Variants in IMMP1L observed in about 807,000 individuals in gnomAD.
IMMP1L encodes the protein inner mitochondrial membrane peptidase subunit 1.
In IMMP1L, 24 loss-of-function variants were observed where a neutral mutation model predicts 21.8. The observed-to-expected ratio is 1.10, with a 90% confidence interval of 0.80 to 1.55. IMMP1L has a LOEUF of 1.55. Ranked by LOEUF, IMMP1L falls within the 40% of genes most tolerant of loss-of-function variation. The pLI is 0.00. For synonymous variants in IMMP1L, 46 were observed against 62.8 expected, an observed-to-expected ratio of 0.73 and a Z score of 1.26; for missense variants, 195 against 200.7, an observed-to-expected ratio of 0.97 and a Z score of 0.17.
chr11:31,506,909 G>A (rs539819660), intron 1 of IMMP1L, among the ~76,000 whole-genome samples: 50 of 151,840 alleles, frequency 3.3e-4, no homozygotes, highest in African/African-American at 1.1e-3. Flanking sequence ...GCAGTAAGCC[G>A]AGATCATGCC....
At chr11:31,453,477 G>A (rs899468615) in intron 4 of IMMP1L, among the ~76,000 whole-genome samples, 9 of 152,146 alleles carry the variant, frequency 5.9e-5, no homozygotes, top group African/African-American at 2.2e-4. Flanking sequence ...TTTTCTTAGA[G>A]GATGCAGAGG....
chr11:31,436,400 T>C (rs1430462774), intron 4 of IMMP1L, among the ~76,000 whole-genome samples: 2 of 152,210 alleles, frequency 1.3e-5, no homozygotes, highest in African/African-American at 4.8e-5. Context: ...AGTTATGACC[T>C]GAGTTTCTTT....
chr11:31,475,563 TATC>T lies in IMMP1L; in HGVS notation c.-29-12261_-29-12259del, dbSNP rs201488012. On this transcript the variant is annotated intron_variant, in intron 1 of 5. Coordinates refer to ENST00000532287, the MANE Select transcript of IMMP1L (RefSeq NM_001304274.2). ...TCCTATTCTTTTGTTATACCTGACT[TATC>T]ATTCTTTCTAAAAAATTTCTTCTCA... Among the ~76,000 whole-genome samples, 1,099 of 152,252 alleles carry T rather than the reference TATC, an allele frequency of 7.2e-3. 15 individuals are homozygous for T. Among genetic ancestry groups the T allele is most frequent in the Middle Eastern group, 6.8e-3 (2 of 294 alleles).
At chr11:31,488,820 T>C (rs887347510) in intron 1 of IMMP1L, among the ~76,000 whole-genome samples, 8 of 152,106 alleles carry the variant, frequency 5.3e-5, no homozygotes, top group Admixed American at 3.3e-4. Context: ...ACCTGCCTCA[T>C]AGTCAATTAT....
At chr11:31,450,302 C>T (rs988957154) in intron 4 of IMMP1L, among the ~76,000 whole-genome samples, 2 of 152,120 alleles carry the variant, frequency 1.3e-5, no homozygotes, top group African/African-American at 4.8e-5. Context: ...TAGCCTTCAT[C>T]GTAATAAAAC....
chr11:31,486,616 G>T (rs1407480721), intron 1 of IMMP1L, among the ~76,000 whole-genome samples: 1 of 151,874 alleles, frequency 6.6e-6, no homozygotes, highest in Non-Finnish European at 1.5e-5. Context: ...ATGTAACCAG[G>T]ATATTTTTTA....
At chr11:31,488,490 T>C (rs1229957115) in intron 1 of IMMP1L, among the ~76,000 whole-genome samples, 3 of 152,176 alleles carry the variant, frequency 2.0e-5, no homozygotes, top group African/African-American at 7.2e-5. Context: ...TAATAGATTA[T>C]ATGAGATCAA....
chr11:31,499,236 G>A (rs1283790677), intron 1 of IMMP1L, among the ~76,000 whole-genome samples: 2 of 152,070 alleles, frequency 1.3e-5, no homozygotes, highest in African/African-American at 4.8e-5. Context: ...GTGGTGGCGG[G>A]CACCTGTAGT....
chr11:31,441,479 A>T (rs1056096173), intron 4 of IMMP1L, among the ~76,000 whole-genome samples: 1 of 151,976 alleles, frequency 6.6e-6, no homozygotes, highest in Admixed American at 6.6e-5. Context: ...CTAAAATATT[A>T]CTCTAGCCAA....
chr11:31,456,024 A>C (rs1487706392), intron 4 of IMMP1L, among the ~76,000 whole-genome samples: 1 of 152,194 alleles, frequency 6.6e-6, no homozygotes, highest in African/African-American at 2.4e-5. Flanking sequence ...TTTAGCATCC[A>C]CTGGTAAATT....
intron 4 of IMMP1L, among the ~76,000 whole-genome samples, chr11:31,446,813 G>A (rs1953538937): frequency 1.3e-5 from 2 of 152,244 alleles, no homozygotes; most frequent in South Asian, 4.1e-4. Flanking sequence ...AAGCACCTGT[G>A]CCTAATTCTA....
chr11:31,482,557 A>T (rs1954931466), intron 1 of IMMP1L, among the ~76,000 whole-genome samples: 1 of 152,034 alleles, frequency 6.6e-6, no homozygotes, highest in South Asian at 2.1e-4. Flanking sequence ...CCGGAACTTC[A>T]CAGAAGAAAA....
chr11:31,474,882 T>G (rs1055619177), intron 1 of IMMP1L, among the ~76,000 whole-genome samples: 1 of 152,168 alleles, frequency 6.6e-6, no homozygotes, highest in Non-Finnish European at 1.5e-5. Context: ...ATTCCTATGA[T>G]TCTCATCCTA....
rs755842514 is a variant in IMMP1L, at chr11:31,453,129, C to T, written c.321+3131G>A. ...AAATAAAGCTGATTTATAAGCGTTG[C>T]TTGCCATGTGGTCTTTTAAAACTCT... On this transcript the variant is annotated intron_variant, in intron 4 of 5. Transcript: ENST00000532287. 2.6e-5 allele frequency: 33 copies of T among 1,287,376 alleles called. No homozygotes were observed. The South Asian group carries it at 4.1e-4, about 16-fold the overall frequency. 79.7% of individuals were successfully genotyped at this position (1,287,376 alleles called of 1,614,324 possible).
At position 31,473,809 on chromosome 11, in the gene IMMP1L, G is replaced by A. The variant is rs185768847; in HGVS notation, c.-29-10504C>T. 85 of 961,020 alleles carry A rather than the reference G, an allele frequency of 8.8e-5. No homozygotes were observed. The African/African-American group carries it at 1.1e-3, about 13-fold the overall frequency. The allele number at this position is 961,020 out of a possible 1,614,324, so 59.5% of individuals were successfully genotyped here. A position where few individuals can be genotyped will look rare whatever the true frequency, so the allele number is the denominator to read the frequency against. On this transcript the variant is annotated intron_variant, in intron 1 of 5. Transcript: ENST00000532287. ...TTCCTTTGAAAAGAGAAAGCATTTC[G>A]TTTCAGAAACAGGAAAAATATATAT...
At chr11:31,505,858 C>T (rs959005248) in intron 1 of IMMP1L, among the ~76,000 whole-genome samples, 1 of 152,200 alleles carries the variant, frequency 6.6e-6, no homozygotes, top group African/African-American at 2.4e-5. Context: ...TTAACATTTT[C>T]TCTAGCTTAC....
intron 3 of IMMP1L, among the ~76,000 whole-genome samples, chr11:31,459,751 T>C (rs1237899988): frequency 6.6e-6 from 1 of 152,096 alleles, no homozygotes; most frequent in Non-Finnish European, 1.5e-5. Flanking sequence ...TTTAAAAGGT[T>C]TAGTGACACA....
At chr11:31,502,651 C>T (rs866352433) in intron 1 of IMMP1L, among the ~76,000 whole-genome samples, 1 of 152,130 alleles carries the variant, frequency 6.6e-6, no homozygotes, top group Non-Finnish European at 1.5e-5. Flanking sequence ...GAAATGTCCA[C>T]GATAATTAGA....
chr11:31,473,706 T>A, intron 1 of IMMP1L: 3 of 972,546 alleles, frequency 3.1e-6, no homozygotes, highest in Non-Finnish European at 3.7e-6. Context: ...TTGGATCCAA[T>A]GACTGAAGTA....
Sources: allele counts gnomAD v4.1 joint callset (sites outside exome capture counted in the v4.1 genomes callset), GRCh38; gene constraint gnomAD v4.1.1; transcripts MANE v1.5; gene names NCBI Gene and HGNC (gene_info 2026-07-23, HGNC 2026-07-21).